Variants in OPA1 observed in about 807,000 individuals in gnomAD.
OPA1 encodes dynamin-like GTPase OPA1, mitochondrial.
Under a neutral mutation model 152.9 loss-of-function variants are expected in OPA1, and 59 were observed. That is an observed-to-expected ratio of 0.39 (90% CI 0.31 to 0.48). The LOEUF (loss-of-function observed/expected upper bound fraction) is 0.48, where lower values mean the gene tolerates loss of function less well. Among genes scored for constraint, OPA1 ranks in the 20% least tolerant of loss-of-function variants. OPA1 has a pLI of 0.96. For synonymous variants in OPA1, 400 were observed against 389.9 expected (o/e 1.03, Z -0.31); for missense variants, 1,008 against 1,216.8 (o/e 0.83, Z 2.55).
chr3:193,606,623 T>G (rs1248584344), intron 1 of OPA1, among the ~76,000 whole-genome samples: 1 of 152,224 alleles, frequency 6.6e-6, no homozygotes, highest in Non-Finnish European at 1.5e-5. Context: ...TCCATAGTAT[T>G]CCATGGTGTA....
At chr3:193,663,058 T>A in intron 26 of OPA1, 96 bp downstream of exon 26, 1 of 1,285,726 alleles carries the variant, frequency 7.8e-7, no homozygotes, top group African/African-American at 1.5e-5. Context: ...TTTAAGTGCT[T>A]AATTTGACTT....
rs1383341340 is a variant in OPA1 at position 193,608,180 on chromosome 3, G to GACATT, written c.33-6543_33-6542insACATT. ...TACTGGATTCATTGATTTTTTGAAGGGTTTTTTGTGTCTCTATCTCCTTCA... is the reference window on the plus strand; with the variant it reads ...TACTGGATTCATTGATTTTTTGAAGGACATTGTTTTTTGTGTCTCTATCTCCTTCA... On this transcript the variant is annotated intron_variant, in intron 1 of 30. Transcript: ENST00000361510. 2.6e-5 allele frequency among the ~76,000 whole-genome samples: 4 copies of GACATT among 152,154 alleles called. No homozygotes were observed. In the East Asian group the frequency reaches 7.7e-4, roughly 29 times the overall value.
intron 29 of OPA1, among the ~76,000 whole-genome samples, chr3:193,685,748 A>C (rs551758479): frequency 2.0e-5 from 3 of 152,238 alleles, no homozygotes; most frequent in Non-Finnish European, 4.4e-5. Flanking sequence ...TATCCAATAA[A>C]TAAAAAGATA....
Position 193,616,975 on chromosome 3 carries a change from G to C in OPA1, c.449-203G>C, listed in dbSNP as rs558198305. Among the ~76,000 whole-genome samples, 26 of 152,342 alleles carry C rather than the reference G, an allele frequency of 1.7e-4. 1 individual carries two copies. In the South Asian group the frequency reaches 4.1e-3, roughly 24 times the overall value. ...AGTGGCTGAGAGCCTGTATTCTGGA[G>C]CTGGACTGCCTGGGCTGGAACCCGG... is the stretch of plus-strand genomic sequence containing the variant. On this transcript the variant is annotated intron_variant, in intron 3 of 30. Transcript: ENST00000361510.
At chr3:193,654,307 GCAA>G (rs1713253964) in intron 21 of OPA1, among the ~76,000 whole-genome samples, 3 of 152,080 alleles carry the variant, frequency 2.0e-5, no homozygotes, top group African/African-American at 7.2e-5. Flanking sequence ...ACCAGCCTCA[GCAA>G]CATAGTGAGA....
chr3:193,617,471 G>A (rs978211012), intron 4 of OPA1, among the ~76,000 whole-genome samples, 186 bp downstream of exon 4: 1 of 152,158 alleles, frequency 6.6e-6, no homozygotes, highest in Non-Finnish European at 1.5e-5. Context: ...GTGTAGCCCA[G>A]TAAAATGACA....
intron 11 of OPA1, among the ~76,000 whole-genome samples, chr3:193,639,928 A>G (rs1167816718): frequency 6.6e-6 from 1 of 152,098 alleles, no homozygotes; most frequent in Non-Finnish European, 1.5e-5. Context: ...AAGAAAAGCA[A>G]TGGGGAGAGA....
At chr3:193,664,035 C>T (rs545604373) in intron 26 of OPA1, among the ~76,000 whole-genome samples, 39 of 151,956 alleles carry the variant, frequency 2.6e-4, no homozygotes, top group African/African-American at 8.9e-4. Context: ...AGAGATGTTA[C>T]GTGATTTTTT....
At chr3:193,667,634 G>A (rs958056313) in intron 29 of OPA1, among the ~76,000 whole-genome samples, 2 of 139,246 alleles carry the variant, frequency 1.4e-5, no homozygotes, top group Non-Finnish European at 3.0e-5. Flanking sequence ...TCCTGCCACT[G>A]CACTCCAGCC....
chr3:193,670,487 C>T (rs1288528909), intron 29 of OPA1, among the ~76,000 whole-genome samples: 1 of 151,774 alleles, frequency 6.6e-6, no homozygotes, highest in Non-Finnish European at 1.5e-5. Context: ...CCACCTCTGC[C>T]TCCCGAGTAG....
At chr3:193,622,084 C>T (rs1730190327) in intron 6 of OPA1, among the ~76,000 whole-genome samples, 1 of 152,050 alleles carries the variant, frequency 6.6e-6, no homozygotes, top group Non-Finnish European at 1.5e-5. Flanking sequence ...ATTCAGAAGG[C>T]AACAAGCACA....
At chr3:193,595,432 C>T (rs1267231436) in intron 1 of OPA1, among the ~76,000 whole-genome samples, 1 of 152,154 alleles carries the variant, frequency 6.6e-6, no homozygotes, top group African/African-American at 2.4e-5. Context: ...CTGGGGGAAA[C>T]CTATTTTGCA....
At chr3:193,655,436 T>C (rs1713563598) in intron 22 of OPA1, among the ~76,000 whole-genome samples, 2 of 152,170 alleles carry the variant, frequency 1.3e-5, no homozygotes, top group South Asian at 4.1e-4. Flanking sequence ...TATACTTAAA[T>C]TATCATTTTC....
rs1252079455 is a variant in OPA1 at position 193,668,353 on chromosome 3, A to G, written c.2983+1073A>G. 3 of 1,551,444 alleles carry G rather than the reference A, an allele frequency of 1.9e-6. No homozygotes were observed. The Middle Eastern group carries it at 5.0e-4, about 259-fold the overall frequency. ...CCCCAGCTCGGACTCAACACTACACACCAGGCCACCACATGGCGCCGCACC... is the reference window on the plus strand; with the variant it reads ...CCCCAGCTCGGACTCAACACTACACGCCAGGCCACCACATGGCGCCGCACC... On this transcript the variant is annotated intron_variant, in intron 29 of 30. Coordinates refer to ENST00000361510, the MANE Select transcript of OPA1 (RefSeq NM_130837.3).
At position 193,615,010 on chromosome 3, in the gene OPA1, C is replaced by T. The variant is rs376643015; in HGVS notation, c.320C>T (p.Ser107Leu). 2.5e-5 allele frequency: 41 copies of T among 1,614,020 alleles called. 1 individual carries two copies. The highest frequency in any genetic ancestry group is 1.6e-4 in the East Asian group (7 of 44,900). Reference sequence around the variant, plus strand: ...AAACTTCGCTATCTCATACTAGGATCGGCTGTTGGGGGTGGCTACACAGCC... The same window carrying T: ...AAACTTCGCTATCTCATACTAGGATTGGCTGTTGGGGGTGGCTACACAGCC... ...LLKLRYLILG[S>L]AVGGGYTAKK... is the part of the protein sequence containing the mutation. The change falls in exon 2 of 31, where the codon TCG (serine) becomes TTG (leucine). Residue 107 changes from serine (S) to leucine (L), a missense_variant. Around this residue, in one of 7 missense-constraint regions of OPA1, gnomAD observed 408 missense variants for 395.1 expected, o/e 1.03. Transcript: ENST00000361510.
At chr3:193,631,569 A>G (rs766992895) in intron 7 of OPA1, 43 bp from the exon 8 acceptor site, 16 of 1,454,120 alleles carry the variant, frequency 1.1e-5, no homozygotes, top group East Asian at 2.3e-5. Flanking sequence ...TACATTCTGT[A>G]TAAACCTAAT....
chr3:193,678,082 C>G (rs1719483365), intron 29 of OPA1, among the ~76,000 whole-genome samples: 1 of 152,222 alleles, frequency 6.6e-6, no homozygotes, highest in Admixed American at 6.5e-5. Flanking sequence ...CAGAATATTT[C>G]ATTTCAATTT....
At position 193,697,140 on chromosome 3, in the gene OPA1, G is replaced by A. The variant is rs1326606081; in HGVS notation, c.*2540G>A. The A allele has an allele frequency of 6.6e-6, 1 of 152,090 alleles. No individual in the cohort carries two copies. The highest frequency in any genetic ancestry group is 1.5e-5 in the Non-Finnish European group (1 of 68,030). The allele number at this position is 152,090 out of a possible 1,614,324, so 9.4% of individuals were successfully genotyped here. ...GACATAGGATGAGAGTCAGAGTATAGGTTTAAAAGATAAAATCTTTAGTTA... is the reference window on the plus strand; with the variant it reads ...GACATAGGATGAGAGTCAGAGTATAAGTTTAAAAGATAAAATCTTTAGTTA... On this transcript the variant is annotated 3_prime_UTR_variant, in exon 31 of 31. Transcript: ENST00000361510.
At chr3:193,615,157 C>CT (rs1259892547) in intron 2 of OPA1, 116 bp downstream of exon 2, 4 of 831,492 alleles carry the variant, frequency 4.8e-6, no homozygotes, top group Non-Finnish European at 8.1e-6. Flanking sequence ...TATTTTGTGT[C>CT]TCTACCATGG....
Sources: gnomAD v4.1 joint callset for allele counts (sites outside exome capture counted in the v4.1 genomes callset) on GRCh38, gnomAD v4.1.1 for gene constraint, gnomAD v4.1.1 regional missense constraint, MANE v1.5 for transcripts, NCBI Gene and HGNC (gene_info 2026-07-23, HGNC 2026-07-21) for gene names.